The following SAMD3 variants were observed in gnomAD, a reference collection of about 807,000 sequenced individuals.
The protein encoded by SAMD3 is sterile alpha motif domain containing 3, also known as sterile alpha motif domain-containing protein 3.
A neutral mutation model predicts 58.5 loss-of-function variants in SAMD3; 63 were observed. The ratio of observed to expected loss-of-function variants is 1.08; its 90% CI spans 0.88 to 1.33. The LOEUF (loss-of-function observed/expected upper bound fraction) is 1.33. Ranked by LOEUF, SAMD3 falls within the 40% of genes most tolerant of loss-of-function variation. The probability of loss-of-function intolerance (pLI) is 0.00; values close to 1 mark genes in which losing one functional copy is unlikely to be tolerated. For synonymous variants in SAMD3, 220 were observed against 210.3 expected (o/e 1.05, Z -0.40); for missense variants, 604 against 608.4 (o/e 0.99, Z 0.08).
At chr6:130,142,870 A>G (rs1037742843), downstream of SAMD3, 1 of 151,646 alleles carries the variant, frequency 6.6e-6, no homozygotes, top group Non-Finnish European at 1.5e-5. Flanking sequence ...ATAAAGGACT[A>G]AAAGGAAGAA....
rs373989491 is a variant in SAMD3, at chr6:130,327,571, T to C, written c.-303-14478A>G. Among the ~76,000 whole-genome samples, 155 of 152,236 alleles carry C rather than the reference T, an allele frequency of 1.0e-3. 9 individuals carry two copies. In the South Asian group the frequency reaches 0.031, roughly 30 times the overall value. ...TAAAAATAGCCATTAGACTTATGCA[T>C]CAAAAAGGTATCAAAATTAAAACTG... On this transcript the variant is annotated intron_variant, in intron 1 of 13. Coordinates refer to the SAMD3 transcript ENST00000368134.
intron 5 of SAMD3, among the ~76,000 whole-genome samples, chr6:130,192,699 G>A (rs55950653): frequency 0.037 from 5,558 of 152,180 alleles, 151 homozygotes; most frequent in Middle Eastern, 0.092. Flanking sequence ...CTCTTCACAC[G>A]GTCGCGCATG....
At position 130,273,041 on chromosome 6, in the gene SAMD3, T is replaced by C. The variant is rs571378635; in HGVS notation, c.-188+39937A>G. Among the ~76,000 whole-genome samples, 9 of 150,448 alleles carry C rather than the reference T, an allele frequency of 6.0e-5. No homozygotes were observed. In the South Asian group the frequency reaches 1.9e-3, roughly 32 times the overall value. ...CAAGTGTGCTGTTTCTTTATTGATT[T>C]TTTTATGTTGGAGTATTGAAGTTCT... On this transcript the variant is annotated intron_variant, in intron 2 of 13. Transcript: ENST00000368134.
At chr6:130,284,326 T>C (rs1237754179) in intron 2 of SAMD3, among the ~76,000 whole-genome samples, 2 of 152,224 alleles carry the variant, frequency 1.3e-5, no homozygotes, top group South Asian at 2.1e-4. Flanking sequence ...TAATCAAGTA[T>C]ATATGTTAGC....
At position 130,282,959 on chromosome 6, in the gene SAMD3, C is replaced by T. The variant is rs187176799; in HGVS notation, c.-188+30019G>A. ...CAACAGACACAGCAATGGGGATAAT[C>T]GGAACCCCAAGAATTTCAGCTCCTA... is the stretch of plus-strand genomic sequence containing the variant. On this transcript the variant is annotated intron_variant, in intron 2 of 13. Transcript: ENST00000368134. Among the ~76,000 whole-genome samples, 193 of 152,204 alleles carry T rather than the reference C, an allele frequency of 1.3e-3. 1 individual carries two copies. Among genetic ancestry groups the T allele is most frequent in the African/African-American group, 4.4e-3 (184 of 41,518 alleles).
intron 9 of SAMD3, 149 bp from the exon 10 acceptor site, chr6:130,146,330 C>A: frequency 4.7e-6 from 2 of 424,904 alleles, no homozygotes; most frequent in Non-Finnish European, 8.1e-6. Flanking sequence ...AGAATTAAAG[C>A]CTTAGGATGA....
At chr6:130,219,884 C>CT (rs1796146548) in intron 1 of SAMD3, among the ~76,000 whole-genome samples, 1 of 152,134 alleles carries the variant, frequency 6.6e-6, no homozygotes, top group South Asian at 2.1e-4. Flanking sequence ...TCCATTGGTT[C>CT]TTTTTATCTA....
At chr6:130,238,171 A>G (rs1236518053) in intron 2 of SAMD3, among the ~76,000 whole-genome samples, 2 of 152,322 alleles carry the variant, frequency 1.3e-5, no homozygotes, top group East Asian at 3.9e-4. Context: ...TCAATATTTT[A>G]TAAAATGAAA....
chr6:130,148,736 G>T (rs1336554124), intron 9 of SAMD3, among the ~76,000 whole-genome samples: 4 of 152,102 alleles, frequency 2.6e-5, no homozygotes, highest in Non-Finnish European at 5.9e-5. Context: ...GCCAGGTATG[G>T]TGGCACATGC....
At chr6:130,323,593 A>G (rs1029088210) in intron 1 of SAMD3, among the ~76,000 whole-genome samples, 15 of 152,072 alleles carry the variant, frequency 9.9e-5, no homozygotes, top group Non-Finnish European at 2.1e-4. Context: ...ACTTGAGGCC[A>G]GGAGTTCAAG....
At chr6:130,329,822 A>G (rs141266559) in intron 1 of SAMD3, among the ~76,000 whole-genome samples, 2,778 of 150,086 alleles carry the variant, frequency 0.019, 23 homozygotes, top group Non-Finnish European at 0.027. Context: ...GGAACAGAAA[A>G]CCAAACACTG....
intron 2 of SAMD3, among the ~76,000 whole-genome samples, chr6:130,300,703 T>C (rs1225493949): frequency 1.3e-5 from 2 of 152,212 alleles, no homozygotes; most frequent in Non-Finnish European, 2.9e-5. Context: ...TGTTCTCTGA[T>C]GACATGATTC....
chr6:130,247,294 AC>A (rs1345621795), intron 2 of SAMD3, among the ~76,000 whole-genome samples: 1 of 152,060 alleles, frequency 6.6e-6, no homozygotes, highest in Non-Finnish European at 1.5e-5. Context: ...ACATGGTGAA[AC>A]CCCATCTCTA....
At chr6:130,209,463 G>T in intron 5 of SAMD3, 32 bp downstream of exon 5, 2 of 1,133,646 alleles carry the variant, frequency 1.8e-6, no homozygotes, top group Non-Finnish European at 2.7e-6. Context: ...ATGTTATTTG[G>T]CTTTAAACTG....
intron 2 of SAMD3, among the ~76,000 whole-genome samples, chr6:130,293,068 C>T (rs376599067): frequency 1.3e-5 from 2 of 152,316 alleles, no homozygotes; most frequent in South Asian, 2.1e-4. Context: ...GCATCAAAGT[C>T]CCTAATCCTC....
Position 130,271,354 on chromosome 6 carries a change from T to A in SAMD3, c.-188+41624A>T, listed in dbSNP as rs144236887. On this transcript the variant is annotated intron_variant, in intron 2 of 13. Transcript: ENST00000368134. ...TCCCCTCAACTTCCCTATCCCTGTG[T>A]ACTATCAAGCTATTTGATGCTTACA... 2.5e-3 allele frequency among the ~76,000 whole-genome samples: 384 copies of A among 152,310 alleles called. 3 individuals carry two copies. The highest frequency in any genetic ancestry group is 8.6e-3 in the African/African-American group (358 of 41,584).
chr6:130,286,899 G>A (rs1327529290), intron 2 of SAMD3, among the ~76,000 whole-genome samples: 1 of 152,050 alleles, frequency 6.6e-6, no homozygotes, highest in East Asian at 1.9e-4. Flanking sequence ...TAGTACAGAC[G>A]GGGTTTCACC....
intron 5 of SAMD3, among the ~76,000 whole-genome samples, chr6:130,193,446 G>A (rs768302555): frequency 2.8e-4 from 43 of 151,326 alleles, no homozygotes; most frequent in Middle Eastern, 3.4e-3. Flanking sequence ...TTATTTCCAC[G>A]CCCCGACCTC....
chr6:130,226,394 A>C (rs930879403), upstream of SAMD3, among the ~76,000 whole-genome samples: 2 of 152,206 alleles, frequency 1.3e-5, no homozygotes, highest in Admixed American at 1.3e-4. Flanking sequence ...TGATCAGCCA[A>C]GTTTGAGGAG....
Sources: allele counts gnomAD v4.1 joint callset (sites outside exome capture counted in the v4.1 genomes callset), GRCh38; gene constraint gnomAD v4.1.1; transcripts MANE v1.5; gene names NCBI Gene and HGNC (gene_info 2026-07-23, HGNC 2026-07-21).